The following MCM2 variants were observed in gnomAD, a reference collection of about 807,000 sequenced individuals.
MCM2 encodes the protein DNA replication licensing factor MCM2.
Under a neutral mutation model 86.4 loss-of-function variants are expected in MCM2, and 49 were observed. That is an observed-to-expected ratio of 0.57 (90% CI 0.45 to 0.72). The LOEUF (loss-of-function observed/expected upper bound fraction) is 0.72, where lower values mean the gene tolerates loss of function less well. Ranked by LOEUF, MCM2 falls within the 30% of genes least tolerant of loss-of-function variation. The pLI is 0.00. For synonymous variants in MCM2, 475 were observed against 484.6 expected, an observed-to-expected ratio of 0.98 and a Z score of 0.26; for missense variants, 1,038 against 1,259.9, an observed-to-expected ratio of 0.82 and a Z score of 2.67.
rs1284715806 is a variant in MCM2 at position 127,622,145 on chromosome 3, GC to G, written c.*373del. The G allele has an allele frequency of 1.8e-5, 3 of 168,680 alleles. No individual in the cohort carries two copies. Among genetic ancestry groups the G allele is most frequent in the Non-Finnish European group, 3.8e-5 (3 of 79,210 alleles). The allele number at this position is 168,680 out of a possible 1,614,324, so 10.4% of individuals were successfully genotyped here. A position where few individuals can be genotyped will look rare whatever the true frequency, so the allele number is the denominator to read the frequency against. ...AGCTGCTGCCCTCTTGGCGTGAGTT[GC>G]GTATTCAGGCTGCTTTTGCTGCCTT... is the stretch of plus-strand genomic sequence containing the variant. On this transcript the variant is annotated 3_prime_UTR_variant, in exon 16 of 16. Transcript: ENST00000265056.
At position 127,606,823 on chromosome 3, in the gene MCM2, A is replaced by C; in HGVS notation, c.1101+6A>C. On this transcript the variant is annotated splice_donor_region_variant and intron_variant, in intron 6 of 15. Transcript: ENST00000265056. This position sits in a 1 kb window ranked among gnomAD's most constrained non-coding sequence, Gnocchi z 4.2. The stretch of plus-strand genomic sequence containing the variant: ...TTGAGGTCAACATGGAGGAGGTGAG[A>C]GAGGACACAAGGTCTGCTGCCAGCT... 2 of 1,613,970 alleles carry C rather than the reference A, an allele frequency of 1.2e-6. No homozygotes were observed. Among genetic ancestry groups the C allele is most frequent in the Non-Finnish European group, 1.7e-6 (2 of 1,179,894 alleles).
chr3:127,602,618 G>A (rs1230539053), intron 2 of MCM2, among the ~76,000 whole-genome samples: 1 of 152,204 alleles, frequency 6.6e-6, no homozygotes, highest in Non-Finnish European at 1.5e-5. Context: ...AGCACTGCAG[G>A]GAAGAGAGCA....
chr3:127,602,309 G>T (rs1405848292), intron 2 of MCM2, among the ~76,000 whole-genome samples: 1 of 151,976 alleles, frequency 6.6e-6, no homozygotes, highest in Non-Finnish European at 1.5e-5. Context: ...TATCTGCCTG[G>T]CTGGGTTCTG....
rs765659379 is a variant in MCM2, at chr3:127,599,479, C to A, written c.168C>A (p.Leu56=). ...LPPFEDESEG[L]LGTEGPLEEE... is the part of the protein sequence containing the mutation. ...CATTTGAGGATGAGTCCGAGGGGCT[C>A]CTAGGCACAGAGGGGCCCCTGGAGG... is the stretch of plus-strand genomic sequence containing the variant. The change falls in exon 2 of 16, where the codon CTC becomes CTA. Residue 56 remains leucine, a synonymous_variant. Transcript: ENST00000265056. 1.2e-6 allele frequency: 2 copies of A among 1,614,158 alleles called. No homozygotes were observed. The highest frequency in any genetic ancestry group is 1.7e-6 in the Non-Finnish European group (2 of 1,180,026).
chr3:127,616,021 G>T lies in MCM2; in HGVS notation c.1522+66G>T. 4 of 1,273,104 alleles carry T rather than the reference G, an allele frequency of 3.1e-6. No homozygotes were observed. In the South Asian group the frequency reaches 4.8e-5, roughly 15 times the overall value. 78.9% of individuals were successfully genotyped at this position (1,273,104 alleles called of 1,614,324 possible). On this transcript the variant is annotated intron_variant, in intron 9 of 15. Transcript: ENST00000265056. The stretch of plus-strand genomic sequence containing the variant: ...TCTCTTTGGGGAGCCAGCATTCAAA[G>T]AAGGACACAGTGTTTTTAAAGCCTG...
In MCM2 at chr3:127,622,062, G is replaced by GC; in HGVS notation, c.*289_*290insC. On this transcript the variant is annotated 3_prime_UTR_variant, in exon 16 of 16. Transcript: ENST00000265056. The stretch of plus-strand genomic sequence containing the variant: ...CTCAGTACCTTGGATCAGAGCTGCT[G>GC]AGTTCAGGATGCCTGCGTGTGGTTT... The GC allele has an allele frequency of 3.1e-6, 1 of 318,742 alleles. No homozygotes were observed. The highest frequency in any genetic ancestry group is 5.8e-6 in the Non-Finnish European group (1 of 171,924). 19.7% of individuals were successfully genotyped at this position (318,742 alleles called of 1,614,324 possible). A position where few individuals can be genotyped will look rare whatever the true frequency, so the allele number is the denominator to read the frequency against.
chr3:127,598,550 G>T, intron 1 of MCM2, 78 bp downstream of exon 1: 1 of 1,549,874 alleles, frequency 6.5e-7, no homozygotes, highest in South Asian at 1.2e-5. Flanking sequence ...CTCTGGCCCC[G>T]GCCCAGGGCG....
In MCM2 at chr3:127,598,470, G is replaced by C; in HGVS notation, c.4G>C (p.Ala2Pro). M[A>P]ESSESFTMAS... ...CGGAGAGGATCGTGGTACTGCTATG[G>C]CGGTGAGCGCGCTGGCGCGTGGCGG... The change falls in exon 1 of 16, where the codon GCG becomes CCG. Residue 2 changes from alanine to proline, a missense_variant and splice_region_variant. Ala to Pro is a conservative substitution (Grantham distance 27). Around this residue, in one of 4 missense-constraint regions of MCM2, gnomAD observed 300 missense variants for 307.4 expected, o/e 0.98. Transcript: ENST00000265056. The C allele has an allele frequency of 6.2e-7, 1 of 1,613,038 alleles. No homozygotes were observed. The highest frequency in any genetic ancestry group is 8.5e-7 in the Non-Finnish European group (1 of 1,179,406).
At position 127,617,484 on chromosome 3, in the gene MCM2, G is replaced by T; in HGVS notation, c.1900+79G>T. Reference sequence around the variant, plus strand: ...CCTGCTTGAATTGGGAGCCCACGGGGTCCCCAGGAGCCGATCTGAGGAAGT... The same window carrying T: ...CCTGCTTGAATTGGGAGCCCACGGGTTCCCCAGGAGCCGATCTGAGGAAGT... On this transcript the variant is annotated intron_variant, in intron 11 of 15. Transcript: ENST00000265056. This position sits in a 1 kb window ranked among gnomAD's most constrained non-coding sequence, Gnocchi z 4.1. 2.0e-6 allele frequency: 3 copies of T among 1,499,344 alleles called. No homozygotes were observed. Among genetic ancestry groups the T allele is most frequent in the Non-Finnish European group, 2.7e-6 (3 of 1,119,828 alleles). 92.9% of individuals were successfully genotyped at this position (1,499,344 alleles called of 1,614,324 possible). A position where few individuals can be genotyped will look rare whatever the true frequency, so the allele number is the denominator to read the frequency against.
At position 127,606,348 on chromosome 3, in the gene MCM2, G is replaced by A; in HGVS notation, c.893+11G>A. ...GCTGCGCTCGCTGAGGTGAGCTGAG[G>A]GCAGGTGAGGATGGCAGGTCCGAGC... On this transcript the variant is annotated intron_variant, in intron 5 of 15. Coordinates refer to ENST00000265056, the MANE Select transcript of MCM2 (RefSeq NM_004526.4). This position sits in a 1 kb window ranked among gnomAD's most constrained non-coding sequence, Gnocchi z 4.2. 1 of 1,613,770 alleles carries A rather than the reference G, an allele frequency of 6.2e-7. No individual in the cohort carries two copies. The highest frequency in any genetic ancestry group is 8.5e-7 in the Non-Finnish European group (1 of 1,179,686).
At chr3:127,604,350 C>T (rs1014025220) in intron 2 of MCM2, 2 of 460,934 alleles carry the variant, frequency 4.3e-6, no homozygotes, top group African/African-American at 3.9e-5. Flanking sequence ...ATCATGTCCT[C>T]AAGGTTCATC....
In MCM2 at chr3:127,606,289, A is replaced by C; in HGVS notation, c.845A>C (p.His282Pro). The stretch of plus-strand genomic sequence containing the variant: ...TACGACCGCATCACCAACCACATCC[A>C]TGTCCGCATCTCCCACCTGCCTCTG... ...PKYDRITNHI[H>P]VRISHLPLVE... is the part of the protein sequence containing the mutation. Residue 282 changes from histidine (H) to proline (P), a missense_variant, in exon 5 of 16, where the codon CAT (histidine) becomes CCT (proline). By Grantham distance (77) the His-to-Pro change is moderately conservative (BLOSUM62 -2). Around this residue, in one of 4 missense-constraint regions of MCM2, gnomAD observed 399 missense variants for 507.2 expected, o/e 0.79. Transcript: ENST00000265056. This position sits in a 1 kb window ranked among gnomAD's most constrained non-coding sequence, Gnocchi z 4.2. The C allele has an allele frequency of 6.2e-7, 1 of 1,614,248 alleles. No homozygotes were observed. Among genetic ancestry groups the C allele is most frequent in the Non-Finnish European group, 8.5e-7 (1 of 1,180,042 alleles).
Position 127,608,821 on chromosome 3 carries a change from C to T in MCM2, c.1237-11C>T. 6.2e-7 allele frequency: 1 copy of T among 1,613,440 alleles called. No individual in the cohort carries two copies. Among genetic ancestry groups the T allele is most frequent in the Non-Finnish European group, 8.5e-7 (1 of 1,179,492 alleles). On this transcript the variant is annotated splice_polypyrimidine_tract_variant and intron_variant, in intron 7 of 15. Transcript: ENST00000265056. ...TTAGGCTCTGACTTCTTGGCCCCTC[C>T]CTTTCCCCAGGAGCTGACTGGCATC...
chr3:127,613,313 C>T (rs756789379), intron 8 of MCM2, among the ~76,000 whole-genome samples: 18 of 152,168 alleles, frequency 1.2e-4, no homozygotes, highest in Middle Eastern at 3.2e-3. Context: ...ACATCCAGCA[C>T]GAGGTGTGTT....
rs778635986 is a variant in MCM2 at position 127,598,463 on chromosome 3, T to G, written c.-4T>G. The G allele has an allele frequency of 6.2e-7, 1 of 1,613,272 alleles. No individual in the cohort carries two copies. ...GTAGTGGCGGAGAGGATCGTGGTACTGCTATGGCGGTGAGCGCGCTGGCGC... is the reference window on the plus strand; with the variant it reads ...GTAGTGGCGGAGAGGATCGTGGTACGGCTATGGCGGTGAGCGCGCTGGCGC... On this transcript the variant is annotated 5_prime_UTR_variant, in exon 1 of 16. Transcript: ENST00000265056.
At position 127,621,942 on chromosome 3, in the gene MCM2, C is replaced by T. The variant is rs1156970870; in HGVS notation, c.*169C>T. ...TGGCATGACTGTTTGTTTCTCCAAG[C>T]CTGCTTTGTGCTTCTCACCTTTGGG... On this transcript the variant is annotated 3_prime_UTR_variant, in exon 16 of 16. Transcript: ENST00000265056. The T allele has an allele frequency of 3.8e-5, 22 of 573,956 alleles. No homozygotes were observed. In the East Asian group the frequency reaches 6.5e-4, roughly 17 times the overall value. The allele number at this position is 573,956 out of a possible 1,614,324, so 35.6% of individuals were successfully genotyped here.
intron 8 of MCM2, chr3:127,611,135 A>G (rs1356933914): frequency 2.7e-6 from 1 of 370,754 alleles, no homozygotes; most frequent in Non-Finnish European, 5.3e-6. Context: ...CCAGCCTTCT[A>G]CCCTCACCAC....
chr3:127,605,156 G>C lies in MCM2; in HGVS notation c.673G>C (p.Glu225Gln), dbSNP rs1317653959. ...FKERISDMCK[E>Q]NRESLVVNYE... ...GGAGCGCATCAGCGACATGTGCAAA[G>C]GTGTGGCTTCCCTACGCCCCCGCCT... The change falls in exon 4 of 16, where the codon GAG becomes CAG. Residue 225 changes from glutamate (E) to glutamine (Q), a missense_variant and splice_region_variant. Transcript: ENST00000265056. 2 of 1,611,376 alleles carry C rather than the reference G, an allele frequency of 1.2e-6. No homozygotes were observed. Among genetic ancestry groups the C allele is most frequent in the African/African-American group, 2.7e-5 (2 of 74,878 alleles).
Position 127,606,896 on chromosome 3 carries a change from G to A in MCM2, c.1101+79G>A. On this transcript the variant is annotated intron_variant, in intron 6 of 15. Transcript: ENST00000265056. This position sits in a 1 kb window ranked among gnomAD's most constrained non-coding sequence, Gnocchi z 4.2. ...CAGGACCTGACTGGCCTCTCAGGCTGTGGAAGACCAGTGTGGGCAGCCGCA... is the reference window on the plus strand; with the variant it reads ...CAGGACCTGACTGGCCTCTCAGGCTATGGAAGACCAGTGTGGGCAGCCGCA... 3 of 1,419,928 alleles carry A rather than the reference G, an allele frequency of 2.1e-6. No homozygotes were observed. Among genetic ancestry groups the A allele is most frequent in the Non-Finnish European group, 3.0e-6 (3 of 1,010,026 alleles). The allele number at this position is 1,419,928 out of a possible 1,614,324, so 88.0% of individuals were successfully genotyped here. A position where few individuals can be genotyped will look rare whatever the true frequency, so the allele number is the denominator to read the frequency against.
Sources: allele counts gnomAD v4.1 joint callset (sites outside exome capture counted in the v4.1 genomes callset), GRCh38; gene constraint gnomAD v4.1.1; regional missense constraint gnomAD v4.1.1; non-coding constraint Gnocchi (gnomAD v3.1); transcripts MANE v1.5; gene names NCBI Gene and HGNC (gene_info 2026-07-23, HGNC 2026-07-21).